Variants in DMBT1 observed in about 807,000 individuals in gnomAD.
DMBT1 encodes the protein scavenger receptor cysteine-rich domain-containing protein DMBT1.
In DMBT1, 198 loss-of-function variants were observed where a neutral mutation model predicts 252.9. The observed-to-expected ratio is 0.78, with a 90% CI of 0.70 to 0.88. DMBT1 has a LOEUF of 0.88. Among genes scored for constraint, DMBT1 ranks in the 40% least tolerant of loss-of-function variants. The pLI is 0.00. For missense variants in DMBT1, 2,432 were observed against 2,404.7 expected (o/e 1.01, Z -0.24); for synonymous variants, 990 against 942.7 (o/e 1.05, Z -0.92).
At chr10:122,594,301 G>A (rs1313233502) in intron 21 of DMBT1, among the ~76,000 whole-genome samples, 195 bp from the exon 22 acceptor site, 1 of 131,658 alleles carries the variant, frequency 7.6e-6, no homozygotes. Context: ...GGAGGGCTCA[G>A]TCTGGTCTCC....
chr10:122,618,127 G>T lies in DMBT1; in HGVS notation c.5002G>T (p.Asp1668Tyr). The change falls in exon 41 of 56, where the codon GAC becomes TAC. Residue 1668 changes from aspartate to tyrosine, a missense_variant. By Grantham distance (160) the Asp-to-Tyr change is radical. Around this residue, in one of 3 missense-constraint regions of DMBT1, gnomAD observed 1,162 missense variants for 1,169.0 expected, o/e 0.99. Coordinates refer to ENST00000338354, the MANE Select transcript of DMBT1 (RefSeq NM_001377530.1). The stretch of plus-strand genomic sequence containing the variant: ...GGGCACCGTGTGTGATGACTACTGG[G>T]ACACCAATGATGCCAACGTGGTCTG... ...SWGTVCDDYW[D>Y]TNDANVVCRQ... The T allele has an allele frequency of 1.2e-6, 2 of 1,613,938 alleles. No homozygotes were observed. The highest frequency in any genetic ancestry group is 1.7e-6 in the Non-Finnish European group (2 of 1,179,878).
chr10:122,589,180 C>A lies in DMBT1; in HGVS notation c.2020C>A (p.His674Asn), dbSNP rs1487263896. The A allele has an allele frequency of 4.4e-6, 7 of 1,588,456 alleles. 1 individual carries two copies. Among genetic ancestry groups the A allele is most frequent in the East Asian group, 2.3e-5 (1 of 42,720 alleles). ...IVLDDVRCSG[H>N]ESYLWSCPNN... ...CCTGGATGATGTGCGCTGCTCAGGA[C>A]ATGAGTCCTACCTGTGGAGCTGCCC... Residue 674 changes from histidine to asparagine, a missense_variant, in exon 17 of 56, where the codon CAT becomes AAT. By Grantham distance (68) the His-to-Asn change is moderately conservative. Transcript: ENST00000338354.
At chr10:122,576,206 C>T (rs568697724) in intron 6 of DMBT1, among the ~76,000 whole-genome samples, 193 bp from the exon 7 acceptor site, 1 of 152,300 alleles carries the variant, frequency 6.6e-6, no homozygotes, top group South Asian at 2.1e-4. Context: ...AGCTCTAAGG[C>T]TTGGGTTTGG....
At chr10:122,576,307 C>T (rs1288173765) in intron 6 of DMBT1, 92 bp from the exon 7 acceptor site, 1 of 1,507,634 alleles carries the variant, frequency 6.6e-7, no homozygotes, top group East Asian at 2.3e-5. Flanking sequence ...TCAAAGATAT[C>T]TGCCTATGGG....
At position 122,578,072 on chromosome 10, in the gene DMBT1, A is replaced by G. The variant is rs569613453; in HGVS notation, c.637+232A>G. Among the ~76,000 whole-genome samples the G allele has an allele frequency of 4.3e-4, 66 of 152,284 alleles. 1 individual carries two copies. The highest frequency in any genetic ancestry group is 1.4e-3 in the African/African-American group (57 of 41,568). On this transcript the variant is annotated intron_variant, in intron 8 of 55. Coordinates refer to ENST00000338354, the MANE Select transcript of DMBT1 (RefSeq NM_001377530.1). ...CATCACACAGTTCCATGCTGTCCCA[A>G]TGAACAACTCTTAGAAGTTCAGAAA...
intron 6 of DMBT1, 48 bp downstream of exon 6, chr10:122,573,810 C>A (rs772226024): frequency 3.8e-6 from 6 of 1,597,458 alleles, no homozygotes; most frequent in Non-Finnish European, 2.6e-6. Flanking sequence ...CCCCCCTGCA[C>A]CCCTAGGTTA....
At chr10:122,576,029 C>A (rs1043615494) in intron 6 of DMBT1, among the ~76,000 whole-genome samples, 9 of 152,176 alleles carry the variant, frequency 5.9e-5, no homozygotes, top group African/African-American at 2.2e-4. Flanking sequence ...GAGCTCCTCC[C>A]GGGACATCTT....
At chr10:122,577,929 G>T in intron 8 of DMBT1, 89 bp downstream of exon 8, 1 of 1,423,964 alleles carries the variant, frequency 7.0e-7, no homozygotes, top group Non-Finnish European at 9.8e-7. Flanking sequence ...CTGCTTCTCT[G>T]CAGATACTCT....
In DMBT1 at chr10:122,617,243, C is replaced by G. The variant is rs756284043; in HGVS notation, c.4874C>G (p.Ser1625Cys). Residue 1625 changes from serine to cysteine, a missense_variant, in exon 40 of 56, where the codon TCT (serine) becomes TGT (cysteine). Physicochemically the swap from Ser to Cys is moderately radical, Grantham distance 112 (BLOSUM62 -1). Transcript: ENST00000338354. ...PTPSPDTWPT[S>C]RASTAGSEST... is the part of the protein sequence containing the mutation. ...CTATTTACAGACACTTGGCCAACCT[C>G]TCGTGCATCAACAGCAGGTAAACAA... The G allele has an allele frequency of 6.2e-6, 10 of 1,610,010 alleles. No homozygotes were observed. Among genetic ancestry groups the G allele is most frequent in the Middle Eastern group, 3.3e-4 (2 of 6,026 alleles).
intron 25 of DMBT1, among the ~76,000 whole-genome samples, chr10:122,598,320 C>T (rs556521217): frequency 6.6e-6 from 1 of 152,256 alleles, no homozygotes; most frequent in East Asian, 1.9e-4. Context: ...GTCCCTCAGC[C>T]CATGGGCTGC....
chr10:122,626,284 A>G (rs1380476735), intron 46 of DMBT1, among the ~76,000 whole-genome samples: 1 of 152,182 alleles, frequency 6.6e-6, no homozygotes, highest in African/African-American at 2.4e-5. Flanking sequence ...CTATGTTTCA[A>G]TAGATTTTCA....
chr10:122,570,761 C>CT (rs2097654338), intron 3 of DMBT1, 129 bp from the exon 4 acceptor site: 1 of 1,177,994 alleles, frequency 8.5e-7, no homozygotes. Flanking sequence ...ACATGGTTGG[C>CT]TTTTAGCAAT....
chr10:122,592,437 C>T lies in DMBT1; in HGVS notation c.2342C>T (p.Ser781Leu), dbSNP rs571730382. Reference sequence around the variant, plus strand: ...CAGCTGGGCTGTGGCTGGGCCACGTCGGCCCCAGGAAATGCCCGGTTTGGC... The same window carrying T: ...CAGCTGGGCTGTGGCTGGGCCACGTTGGCCCCAGGAAATGCCCGGTTTGGC... ...CRQLGCGWAT[S>L]APGNARFGQG... Residue 781 changes from serine to leucine, a missense_variant, in exon 20 of 56, where the codon TCG (serine) becomes TTG (leucine). Ser to Leu is a moderately radical substitution (Grantham distance 145). Transcript: ENST00000338354. 4.5e-5 allele frequency: 71 copies of T among 1,588,256 alleles called. 6 individuals are homozygous for T. Among genetic ancestry groups the T allele is most frequent in the Non-Finnish European group, 5.0e-5 (58 of 1,165,730 alleles).
chr10:122,586,226 G>A lies in DMBT1; in HGVS notation c.1626G>A (p.Leu542=), dbSNP rs542103850. 178 of 1,588,866 alleles carry A rather than the reference G, an allele frequency of 1.1e-4. 21 individuals carry two copies. The highest frequency in any genetic ancestry group is 5.2e-4 in the South Asian group (45 of 86,998). The change falls in exon 16 of 56, where the codon TTG becomes TTA. Residue 542 remains leucine, a synonymous_variant. Transcript: ENST00000338354. ...AGCTGGGCTGTGGCTGGGCCATGTT[G>A]GCCCCAGGAAATGCCCGGTTTGGTC... ...CRQLGCGWAM[L]APGNARFGQG... is the part of the protein sequence containing the mutation.
rs774104035 is a variant in DMBT1 at position 122,592,318 on chromosome 10, G to GT, written c.2224dup (p.Cys742LeufsTer18). On this transcript the variant is annotated frameshift_variant, in exon 20 of 56. Transcript: ENST00000338354. LOFTEE classifies it high-confidence loss of function. ...TGAGGCTGGTGAATGGAAGTGACAG[G>GT]TGTCAGGGCCGAGTAGAGGTCCTAT... The GT allele has an allele frequency of 9.4e-6, 15 of 1,587,828 alleles. 3 individuals are homozygous for GT. The East Asian group carries it at 3.5e-4, about 37-fold the overall frequency.
Position 122,600,074 on chromosome 10 carries a change from C to G in DMBT1, c.3291C>G (p.Ser1097=). 1 of 1,607,246 alleles carries G rather than the reference C, an allele frequency of 6.2e-7. No individual in the cohort carries two copies. Among genetic ancestry groups the G allele is most frequent in the Non-Finnish European group, 8.5e-7 (1 of 1,178,264 alleles). ...TTCTCTTTCTCACAGCTTCCCAGTC[C>G]CGGCCAACACCTAGTCCAGGTGGGT... ...DAGVICSASQ[S]RPTPSPDTWP... The change falls in exon 27 of 56, where the codon TCC becomes TCG. Residue 1097 remains serine (S), a synonymous_variant. Transcript: ENST00000338354.
intron 15 of DMBT1, 79 bp downstream of exon 15, chr10:122,585,388 G>A: frequency 6.7e-7 from 1 of 1,495,092 alleles, no homozygotes; most frequent in Non-Finnish European, 9.2e-7. Context: ...GATAGGATGA[G>A]GGTCAAGGTG....
At chr10:122,630,828 C>T (rs1293158590) in intron 48 of DMBT1, 133 bp from the exon 49 acceptor site, 3 of 1,012,954 alleles carry the variant, frequency 3.0e-6, no homozygotes, top group Non-Finnish European at 4.3e-6. Context: ...TACCTCCACC[C>T]CAGCTTTTCC....
In DMBT1 at chr10:122,640,291, G is replaced by T; in HGVS notation, c.7194G>T (p.Val2398=). ...FYTSSSFLYP[V]TSRPYYVDLN... is the part of the protein sequence containing the mutation. ...CTTCCTCATCTTTCTTGTATCCTGT[G>T]ACCAGCCGCCCTTACTACGTGGACC... Residue 2398 remains valine (V), a synonymous_variant, in exon 55 of 56, where the codon GTG becomes GTT. Coordinates refer to ENST00000338354, the MANE Select transcript of DMBT1 (RefSeq NM_001377530.1). The T allele has an allele frequency of 6.2e-7, 1 of 1,614,010 alleles. No individual in the cohort carries two copies. Among genetic ancestry groups the T allele is most frequent in the Non-Finnish European group, 8.5e-7 (1 of 1,179,904 alleles).
Sources: gnomAD v4.1 joint callset for allele counts (sites outside exome capture counted in the v4.1 genomes callset) on GRCh38, gnomAD v4.1.1 for gene constraint, gnomAD v4.1.1 regional missense constraint, MANE v1.5 for transcripts, NCBI Gene and HGNC (gene_info 2026-07-23, HGNC 2026-07-21) for gene names.